The following NECAB1 variants were observed in gnomAD, a reference collection of about 807,000 sequenced individuals.
The protein encoded by NECAB1 is N-terminal EF-hand calcium binding protein 1.
Under a neutral mutation model 57.5 loss-of-function variants are expected in NECAB1, and 29 were observed. The ratio of observed to expected loss-of-function variants is 0.50; its 90% confidence interval spans 0.38 to 0.69. NECAB1 has a LOEUF of 0.69. NECAB1 is among the 30% of genes least tolerant of loss of function. The pLI, the probability that NECAB1 is intolerant of heterozygous loss-of-function variation, is 0.00. For synonymous variants in NECAB1, 142 were observed against 147.7 expected (o/e 0.96, Z 0.28); for missense variants, 372 against 413.8 (o/e 0.90, Z 0.88).
intron 5 of NECAB1, among the ~76,000 whole-genome samples, chr8:90,917,163 T>C (rs1008064625): frequency 6.6e-6 from 1 of 152,178 alleles, no homozygotes; most frequent in Non-Finnish European, 1.5e-5. Context: ...CATTCTGATC[T>C]TCCCCCTCCG....
intron 3 of NECAB1, among the ~76,000 whole-genome samples, chr8:90,841,577 C>G (rs1812455182): frequency 6.6e-6 from 1 of 152,126 alleles, no homozygotes; most frequent in African/African-American, 2.4e-5. Flanking sequence ...GTGGGTATCA[C>G]CTAAGAAAGG....
chr8:90,817,847 A>C (rs1028426371), intron 2 of NECAB1, among the ~76,000 whole-genome samples: 1 of 151,842 alleles, frequency 6.6e-6, no homozygotes, highest in African/African-American at 2.4e-5. Context: ...AGTGTTATTT[A>C]TGCTTCAGTT....
chr8:90,949,457 C>G (rs1435099924), intron 10 of NECAB1, among the ~76,000 whole-genome samples: 2 of 152,166 alleles, frequency 1.3e-5, no homozygotes, highest in Non-Finnish European at 2.9e-5. Flanking sequence ...CATGCACTCA[C>G]ATTTTTCTGG....
chr8:90,906,881 A>ATATATG (rs1809670353), intron 5 of NECAB1, among the ~76,000 whole-genome samples: 1 of 112,646 alleles, frequency 8.9e-6, no homozygotes, highest in Non-Finnish European at 1.7e-5. Context: ...ATACACATAT[A>ATATATG]TATATATATA....
intron 3 of NECAB1, among the ~76,000 whole-genome samples, chr8:90,826,822 A>G (rs537322383): frequency 6.6e-6 from 1 of 152,012 alleles, no homozygotes; most frequent in South Asian, 2.1e-4. Flanking sequence ...TACTTGGCAT[A>G]GCTTTAAGAC....
Position 90,945,418 on chromosome 8 carries a change from T to C in NECAB1, c.861-4389T>C, listed in dbSNP as rs547916675. ...TTTCATCATGTTGCCCTGGATGGTCTTGAACTCCTGGACTCAAGTGATCCG... is the reference window on the plus strand; with the variant it reads ...TTTCATCATGTTGCCCTGGATGGTCCTGAACTCCTGGACTCAAGTGATCCG... On this transcript the variant is annotated intron_variant, in intron 10 of 12. Coordinates refer to ENST00000417640, the MANE Select transcript of NECAB1 (RefSeq NM_022351.5). Among the ~76,000 whole-genome samples, 76 of 152,284 alleles carry C rather than the reference T, an allele frequency of 5.0e-4. No homozygotes were observed. The East Asian group carries it at 7.3e-3, about 15-fold the overall frequency.
intron 2 of NECAB1, among the ~76,000 whole-genome samples, chr8:90,809,460 G>GA (rs1350597261): frequency 6.6e-6 from 1 of 152,208 alleles, no homozygotes; most frequent in Non-Finnish European, 1.5e-5. Flanking sequence ...GAAGACTTCA[G>GA]AAAATCAGTG....
chr8:90,811,880 A>G (rs141492658), intron 2 of NECAB1, among the ~76,000 whole-genome samples: 30 of 152,316 alleles, frequency 2.0e-4, no homozygotes, highest in African/African-American at 5.3e-4. Flanking sequence ...AACTAGTCAC[A>G]TGCCCATCCT....
chr8:90,926,530 A>C lies in NECAB1; in HGVS notation c.616+874A>C, dbSNP rs530938501. Reference sequence around the variant, plus strand: ...CATTTTTATTGTGAAGCGACCTTAAAATCTTGATGGTTACACCTGTAGATA... The same window carrying C: ...CATTTTTATTGTGAAGCGACCTTAACATCTTGATGGTTACACCTGTAGATA... On this transcript the variant is annotated intron_variant, in intron 7 of 12. Coordinates refer to ENST00000417640, the MANE Select transcript of NECAB1 (RefSeq NM_022351.5). Among the ~76,000 whole-genome samples, 109 of 152,272 alleles carry C rather than the reference A, an allele frequency of 7.2e-4. 1 individual carries two copies. Among genetic ancestry groups the C allele is most frequent in the Admixed American group, 1.0e-3 (16 of 15,284 alleles).
In NECAB1 at chr8:90,925,652, T is replaced by TCC. The variant is rs1405732344; in HGVS notation, c.613_614dup (p.Gly206GlnfsTer4). The TCC allele has an allele frequency of 6.2e-7, 1 of 1,613,784 alleles. No homozygotes were observed. On this transcript the variant is annotated frameshift_variant, in exon 7 of 13. Coordinates refer to ENST00000417640, the MANE Select transcript of NECAB1 (RefSeq NM_022351.5). LOFTEE classifies it high-confidence loss of function. Reference sequence around the variant, plus strand: ...ACAGCCCTCAGTTTAATGTCAGCGGTCCAGGTAACATACCCTTCATTTGTT... The same window carrying TCC: ...ACAGCCCTCAGTTTAATGTCAGCGGTCCCCAGGTAACATACCCTTCATTTGTT...
chr8:90,940,697 T>C, intron 9 of NECAB1, 89 bp from the exon 10 acceptor site: 1 of 909,842 alleles, frequency 1.1e-6, no homozygotes, highest in Middle Eastern at 3.1e-4. Context: ...CATCTGTTTT[T>C]GTGAGGAGGA....
chr8:90,887,613 A>G (rs2129925104), intron 5 of NECAB1, among the ~76,000 whole-genome samples: 1 of 152,320 alleles, frequency 6.6e-6, no homozygotes, highest in East Asian at 1.9e-4. Flanking sequence ...CAGATAAAAC[A>G]TCAGCGAGAA....
intron 1 of NECAB1, among the ~76,000 whole-genome samples, 192 bp from the exon 2 acceptor site, chr8:90,801,499 C>T (rs537781686): frequency 6.6e-6 from 1 of 152,100 alleles, no homozygotes; most frequent in Non-Finnish European, 1.5e-5. Flanking sequence ...TGTTCATTCA[C>T]GGTTTGTTTA....
intron 10 of NECAB1, among the ~76,000 whole-genome samples, chr8:90,946,612 A>T (rs1810809363): frequency 6.6e-6 from 1 of 152,248 alleles, no homozygotes; most frequent in South Asian, 2.1e-4. Context: ...TAATGCTGTC[A>T]TCAAAGATCC....
chr8:90,825,157 T>A (rs1272323714), intron 3 of NECAB1: 1 of 158,034 alleles, frequency 6.3e-6, no homozygotes, highest in African/African-American at 2.4e-5. Context: ...TTAGGCTTAA[T>A]CTCAATTTGC....
rs1563515314 is a variant in NECAB1, at chr8:90,881,190, T to G, written c.357+60T>G. 3.6e-5 allele frequency: 43 copies of G among 1,187,374 alleles called. No homozygotes were observed. In the South Asian group the frequency reaches 5.6e-4, roughly 15 times the overall value. The allele number at this position is 1,187,374 out of a possible 1,614,324, so 73.6% of individuals were successfully genotyped here. On this transcript the variant is annotated intron_variant, in intron 5 of 12. Transcript: ENST00000417640. ...TCTCTTCTTTGAAAAAGATTTTTCT[T>G]GAAAATCATACCTATTTTCAACTAT...
At chr8:90,857,539 A>C (rs1394456251) in intron 3 of NECAB1, among the ~76,000 whole-genome samples, 1 of 152,188 alleles carries the variant, frequency 6.6e-6, no homozygotes, top group African/African-American at 2.4e-5. Context: ...TGCTTTACTC[A>C]ATATACTTAA....
chr8:90,950,976 A>G (rs749221371), intron 11 of NECAB1, 137 bp from the exon 12 acceptor site: 12 of 415,740 alleles, frequency 2.9e-5, no homozygotes, highest in Non-Finnish European at 4.7e-5. Context: ...AACAACCATT[A>G]AAAGAAGCTT....
intron 3 of NECAB1, among the ~76,000 whole-genome samples, chr8:90,830,214 G>T (rs1282238478): frequency 6.6e-6 from 1 of 152,066 alleles, no homozygotes; most frequent in Non-Finnish European, 1.5e-5. Flanking sequence ...CAACTACAAA[G>T]CTTATTGCAA....
Sources: allele counts gnomAD v4.1 joint callset (sites outside exome capture counted in the v4.1 genomes callset), GRCh38; gene constraint gnomAD v4.1.1; transcripts MANE v1.5; gene names NCBI Gene and HGNC (gene_info 2026-07-23, HGNC 2026-07-21).